The following SPRY3 variants were observed in gnomAD, a reference collection of about 807,000 sequenced individuals.
SPRY3 encodes the protein protein sprouty homolog 3.
Under a neutral mutation model 20.2 loss-of-function variants are expected in SPRY3, and 15 were observed. That is an observed-to-expected ratio of 0.74 (90% confidence interval 0.50 to 1.14). The LOEUF (loss-of-function observed/expected upper bound fraction) is 1.14. Among genes scored for constraint, SPRY3 ranks in the 50% most tolerant of loss-of-function variants. The probability of loss-of-function intolerance (pLI) is 0.00; values close to 1 mark genes in which losing one functional copy is unlikely to be tolerated. For missense variants in SPRY3, 364 were observed against 363.9 expected (o/e 1.00, Z 0.00); for synonymous variants, 143 against 136.5 (o/e 1.05, Z -0.33).
chrX:155,627,311 C>G (rs1344131357), intron 1 of SPRY3, among the ~76,000 whole-genome samples: 1 of 111,988 alleles, frequency 8.9e-6, no homozygotes, highest in Non-Finnish European at 1.9e-5. Flanking sequence ...ATTTCACACG[C>G]ATGAGATCAT....
At chrX:155,774,031 T>G (rs769889810) in exon 4 of SPRY3, 1 of 1,613,938 alleles carries the variant, frequency 6.2e-7, no homozygotes. Context: ...GTCTGATTGG[T>G]CTCTGGCTAC....
chrX:155,720,804 C>T (rs1293576636), intron 2 of SPRY3, among the ~76,000 whole-genome samples: 1 of 152,118 alleles, frequency 6.6e-6, no homozygotes, highest in Non-Finnish European at 1.5e-5. Context: ...GGAAAGCCTT[C>T]CCAAAAAGGT....
At chrX:155,768,891 G>T (rs1425783439) in intron 3 of SPRY3, among the ~76,000 whole-genome samples, 2 of 152,132 alleles carry the variant, frequency 1.3e-5, no homozygotes, top group South Asian at 2.1e-4. Context: ...AAACCAAGTT[G>T]GATGAACAGA....
intron 2 of SPRY3, among the ~76,000 whole-genome samples, chrX:155,667,462 C>T (rs1339630943): frequency 9.0e-6 from 1 of 110,777 alleles, no homozygotes; most frequent in Non-Finnish European, 1.9e-5. Context: ...GAAAGGACAA[C>T]CCCTCTACTA....
chrX:155,778,371 A>G (rs2091442300), downstream of SPRY3: 1 of 167,066 alleles, frequency 6.0e-6, no homozygotes, highest in Non-Finnish European at 1.5e-5. Flanking sequence ...AAATGGTGAC[A>G]TTACAAACTT....
intron 2 of SPRY3, among the ~76,000 whole-genome samples, chrX:155,708,338 A>C (rs1340505950): frequency 2.0e-5 from 3 of 151,398 alleles, no homozygotes; most frequent in Non-Finnish European, 3.0e-5. Flanking sequence ...TGAATATATA[A>C]TCCCACTGCC....
At chrX:155,733,283 A>G (rs1014619458) in intron 2 of SPRY3, among the ~76,000 whole-genome samples, 28 of 151,112 alleles carry the variant, frequency 1.9e-4, no homozygotes, top group Non-Finnish European at 3.2e-4. Context: ...ATATATATAC[A>G]CACACACTAT....
intron 2 of SPRY3, among the ~76,000 whole-genome samples, chrX:155,753,191 C>T (rs1291141249): frequency 7.2e-5 from 11 of 151,884 alleles, no homozygotes; most frequent in Non-Finnish European, 2.9e-5. Context: ...TCACCACTAT[C>T]TTATACCATA....
intron 2 of SPRY3, among the ~76,000 whole-genome samples, chrX:155,673,455 A>C (rs2068050040): frequency 9.0e-6 from 1 of 111,198 alleles, no homozygotes; most frequent in Admixed American, 9.5e-5. Context: ...ATTTTGCCTG[A>C]TGTTCTCAAA....
At chrX:155,721,679 A>T (rs984020601) in intron 2 of SPRY3, among the ~76,000 whole-genome samples, 1 of 151,854 alleles carries the variant, frequency 6.6e-6, no homozygotes, top group African/African-American at 2.4e-5. Context: ...AAAAAAAAAA[A>T]CTTTATCCTA....
downstream of SPRY3, chrX:155,778,768 G>A (rs1261316056): frequency 1.2e-5 from 2 of 166,954 alleles, no homozygotes; most frequent in African/African-American, 4.8e-5. Flanking sequence ...TTTTATAGCT[G>A]GAGAAAGGGA....
intron 2 of SPRY3, among the ~76,000 whole-genome samples, chrX:155,682,715 C>G (rs2068077330): frequency 9.1e-6 from 1 of 109,759 alleles, no homozygotes; most frequent in Non-Finnish European, 1.9e-5. Flanking sequence ...AAAGATAGGG[C>G]CTTACTATGT....
chrX:155,680,481 C>T (rs182481016), intron 2 of SPRY3, among the ~76,000 whole-genome samples: 3 of 110,184 alleles, frequency 2.7e-5, no homozygotes, highest in Non-Finnish European at 3.8e-5. Context: ...GGATATTCCC[C>T]CACAGTCATT....
At position 155,773,947 on chromosome X, in the gene SPRY3, GACTACGTGGA is replaced by G; in HGVS notation, c.79_88del (p.Tyr27GlyfsTer50). ...GCTGCGCTCTACTCATGCTAGCAAT[GACTACGTGGA>G]ACGGCCTCCAGCCCCCTGTAAACAG... On this transcript the variant is annotated frameshift_variant, in exon 4 of 4. Transcript: ENST00000675360. LOFTEE classifies it high-confidence loss of function. 1 of 1,613,946 alleles carries G rather than the reference GACTACGTGGA, an allele frequency of 6.2e-7. No individual in the cohort carries two copies. The highest frequency in any genetic ancestry group is 8.5e-7 in the Non-Finnish European group (1 of 1,179,846).
At chrX:155,744,617 A>T (rs2091217445) in intron 2 of SPRY3, among the ~76,000 whole-genome samples, 1 of 152,106 alleles carries the variant, frequency 6.6e-6, no homozygotes. Flanking sequence ...AAAATTAGTC[A>T]CAAAAACAGA....
chrX:155,721,054 G>A (rs142103756), intron 2 of SPRY3, among the ~76,000 whole-genome samples: 1,964 of 152,182 alleles, frequency 0.013, 10 homozygotes, highest in Non-Finnish European at 0.021. Context: ...CACAGAGAAG[G>A]AATTCAGAAT....
chrX:155,632,594 C>T (rs2067910286), intron 1 of SPRY3, among the ~76,000 whole-genome samples: 1 of 111,004 alleles, frequency 9.0e-6, no homozygotes, highest in South Asian at 3.8e-4. Flanking sequence ...AGCAGGCTAG[C>T]TTAGGGTTGT....
At chrX:155,676,962 G>T (rs2068060315) in intron 2 of SPRY3, among the ~76,000 whole-genome samples, 1 of 111,721 alleles carries the variant, frequency 9.0e-6, no homozygotes, top group Non-Finnish European at 1.9e-5. Flanking sequence ...CAGACATCTT[G>T]GGCCTCTTTT....
chrX:155,614,693 T>C (rs2067844820), intron 1 of SPRY3, among the ~76,000 whole-genome samples: 1 of 111,325 alleles, frequency 9.0e-6, no homozygotes, highest in South Asian at 3.8e-4. Flanking sequence ...CTGGATATTT[T>C]ACTTTTAATA....
Sources: allele counts gnomAD v4.1 joint callset (sites outside exome capture counted in the v4.1 genomes callset), GRCh38; gene constraint gnomAD v4.1.1; transcripts MANE v1.5; gene names NCBI Gene and HGNC (gene_info 2026-07-23, HGNC 2026-07-21).